The following VWC2L variants were observed in gnomAD, a reference collection of about 807,000 sequenced individuals.
The protein encoded by VWC2L is von Willebrand factor C domain-containing protein 2-like.
A neutral mutation model predicts 21.6 loss-of-function variants in VWC2L; 10 were observed. The observed-to-expected ratio is 0.46, with a 90% CI of 0.29 to 0.78. VWC2L has a LOEUF of 0.78. Ranked by LOEUF, VWC2L falls within the 30% of genes least tolerant of loss-of-function variation. VWC2L has a pLI of 0.10. For missense variants in VWC2L, 209 were observed against 277.1 expected (o/e 0.75, Z 1.74); for synonymous variants, 96 against 94.3 (o/e 1.02, Z -0.10).
intron 3 of VWC2L, among the ~76,000 whole-genome samples, chr2:214,460,320 A>G (rs982028680): frequency 6.6e-6 from 1 of 152,188 alleles, no homozygotes; most frequent in African/African-American, 2.4e-5. Context: ...AGGTTTGGGA[A>G]GTGTTCAGCT....
chr2:214,491,563 A>C (rs74817942), intron 3 of VWC2L, among the ~76,000 whole-genome samples: 2,227 of 152,284 alleles, frequency 0.015, 63 homozygotes, highest in African/African-American at 0.05. Context: ...GTAATGTTAC[A>C]ATACCTTTGG....
intron 3 of VWC2L, among the ~76,000 whole-genome samples, chr2:214,529,692 G>A (rs12467438): frequency 0.42 from 64,189 of 151,890 alleles, 14,174 homozygotes; most frequent in East Asian, 0.74. Context: ...CTACAAATCG[G>A]GTTCACAGGG....
At chr2:214,541,418 T>C (rs115504732) in intron 3 of VWC2L, among the ~76,000 whole-genome samples, 84 of 152,326 alleles carry the variant, frequency 5.5e-4, no homozygotes, top group African/African-American at 2.0e-3. Flanking sequence ...AGCTGCCTCA[T>C]TGCTCCATGC....
chr2:214,498,389 A>G (rs1688840641), intron 3 of VWC2L, among the ~76,000 whole-genome samples: 1 of 152,088 alleles, frequency 6.6e-6, no homozygotes, highest in South Asian at 2.1e-4. Flanking sequence ...TCAGAGGCCT[A>G]TTGTTCAATG....
intron 3 of VWC2L, among the ~76,000 whole-genome samples, chr2:214,479,681 T>A (rs1001872793): frequency 3.9e-5 from 6 of 152,146 alleles, no homozygotes; most frequent in Non-Finnish European, 8.8e-5. Flanking sequence ...GGCGGGTGCC[T>A]GTAATCCCAG....
At chr2:214,438,685 C>A (rs1702717902) in intron 3 of VWC2L, among the ~76,000 whole-genome samples, 5 of 152,048 alleles carry the variant, frequency 3.3e-5, no homozygotes, top group Admixed American at 3.3e-4. Context: ...AAATCAGCCA[C>A]TACAAACTAG....
intron 3 of VWC2L, among the ~76,000 whole-genome samples, chr2:214,443,317 AG>A (rs1702789525): frequency 6.6e-6 from 1 of 152,138 alleles, no homozygotes; most frequent in African/African-American, 2.4e-5. Flanking sequence ...GGTTGCAGTG[AG>A]CTGAGATCAC....
chr2:214,458,437 G>T (rs992135730), intron 3 of VWC2L, among the ~76,000 whole-genome samples: 11 of 151,854 alleles, frequency 7.2e-5, no homozygotes, highest in African/African-American at 2.4e-4. Context: ...TGTTTAGTCT[G>T]TTCTGATTGT....
At chr2:214,492,622 T>G (rs1688760460) in intron 3 of VWC2L, among the ~76,000 whole-genome samples, 1 of 152,214 alleles carries the variant, frequency 6.6e-6, no homozygotes, top group Non-Finnish European at 1.5e-5. Flanking sequence ...CGTGTGTATA[T>G]AAATTTTTTG....
At chr2:214,548,244 A>T (rs1055139591) in intron 3 of VWC2L, among the ~76,000 whole-genome samples, 2 of 152,126 alleles carry the variant, frequency 1.3e-5, no homozygotes, top group Non-Finnish European at 2.9e-5. Flanking sequence ...CTCCTGTATT[A>T]TGGGTGTTCC....
intron 3 of VWC2L, among the ~76,000 whole-genome samples, chr2:214,457,132 G>A (rs568428594): frequency 1.2e-4 from 19 of 152,148 alleles, no homozygotes; most frequent in East Asian, 9.7e-4. Flanking sequence ...AAGAAATTGC[G>A]TTGAGTCTCT....
In VWC2L at chr2:214,578,670, G is replaced by A. The variant is rs561733790; in HGVS notation, c.*2850G>A. 21 of 152,200 alleles carry A rather than the reference G, an allele frequency of 1.4e-4. No individual in the cohort carries two copies. Among genetic ancestry groups the A allele is most frequent in the African/African-American group, 4.8e-4 (20 of 41,544 alleles). The allele number at this position is 152,200 out of a possible 1,614,324, so 9.4% of individuals were successfully genotyped here. A position where few individuals can be genotyped will look rare whatever the true frequency, so the allele number is the denominator to read the frequency against. On this transcript the variant is annotated 3_prime_UTR_variant, in exon 4 of 4. Coordinates refer to ENST00000312504, the MANE Select transcript of VWC2L (RefSeq NM_001080500.4). ...TGGTCTCATCTGTTGTTTGTTTCTTGTGAAGTCTTTGTTTGCAGCCACACT... is the reference window on the plus strand; with the variant it reads ...TGGTCTCATCTGTTGTTTGTTTCTTATGAAGTCTTTGTTTGCAGCCACACT...
intron 3 of VWC2L, chr2:214,510,120 T>A (rs1689030858): frequency 6.6e-6 from 1 of 152,196 alleles, no homozygotes; most frequent in African/African-American, 2.4e-5. Flanking sequence ...CCAAGCTTCA[T>A]TATGTTATTC....
At chr2:214,514,741 T>C (rs1458726427) in intron 3 of VWC2L, among the ~76,000 whole-genome samples, 1 of 152,248 alleles carries the variant, frequency 6.6e-6, no homozygotes, top group Non-Finnish European at 1.5e-5. Context: ...TGTAAATACA[T>C]ACACATGTTT....
chr2:214,433,159 G>GATATATATATATATATATAT lies in VWC2L; in HGVS notation c.391-3465_391-3446dup, dbSNP rs5838434. On this transcript the variant is annotated intron_variant, in intron 2 of 3. Transcript: ENST00000312504. ...GATATATTAACTGCTCAAGCCACCT[G>GATATATATATATATATATAT]ATATATATATATATATATATATATT... Among the ~76,000 whole-genome samples, 1,223 of 132,548 alleles carry GATATATATATATATATATAT rather than the reference G, an allele frequency of 9.2e-3. 22 individuals carry two copies. The highest frequency in any genetic ancestry group is 0.014 in the South Asian group (58 of 4,062). The allele number at this position is 132,548 out of a possible 152,430, so 87.0% of individuals were successfully genotyped here.
chr2:214,441,916 C>CTT (rs748117648), intron 3 of VWC2L, among the ~76,000 whole-genome samples: 6 of 140,466 alleles, frequency 4.3e-5, no homozygotes, highest in African/African-American at 1.3e-4. Context: ...AATAAGATAC[C>CTT]TTTTTTTTTT....
intron 3 of VWC2L, among the ~76,000 whole-genome samples, chr2:214,556,460 A>G (rs1458904937): frequency 2.0e-5 from 3 of 152,148 alleles, no homozygotes; most frequent in Non-Finnish European, 4.4e-5. Context: ...TTCTCTTTTT[A>G]AGAACTTTCC....
At chr2:214,544,520 C>G (rs1349890303) in intron 3 of VWC2L, among the ~76,000 whole-genome samples, 2 of 152,144 alleles carry the variant, frequency 1.3e-5, no homozygotes, top group South Asian at 2.1e-4. Context: ...AACATTGTAG[C>G]CTAAGGACTG....
chr2:214,463,721 G>A (rs374652782), intron 3 of VWC2L, among the ~76,000 whole-genome samples: 2 of 152,070 alleles, frequency 1.3e-5, no homozygotes, highest in East Asian at 1.9e-4. Flanking sequence ...TTTAGTAGTT[G>A]CTTTGAAGTT....
Sources: gnomAD v4.1 joint callset for allele counts (sites outside exome capture counted in the v4.1 genomes callset) on GRCh38, gnomAD v4.1.1 for gene constraint, MANE v1.5 for transcripts, NCBI Gene and HGNC (gene_info 2026-07-23, HGNC 2026-07-21) for gene names.